Variants in EXD3 observed in about 807,000 individuals in gnomAD.
EXD3 encodes the protein exonuclease 3'-5' domain containing 3.
EXD3 carries 92 observed loss-of-function variants against 98.0 expected under a neutral mutation model. The observed-to-expected ratio is 0.94, with a 90% CI of 0.79 to 1.12. The LOEUF is 1.12. Among genes scored for constraint, EXD3 ranks in the 50% most tolerant of loss-of-function variants. EXD3 has a pLI of 0.00. For missense variants in EXD3, 1,222 were observed against 1,191.6 expected, an observed-to-expected ratio of 1.03 and a Z score of -0.38; for synonymous variants, 569 against 526.0, an observed-to-expected ratio of 1.08 and a Z score of -1.12.
Position 137,403,279 on chromosome 9 carries a change from G to A in EXD3, c.-47-7875C>T, listed in dbSNP as rs962309805. On this transcript the variant is annotated intron_variant, in intron 1 of 21. Coordinates refer to ENST00000340951, the MANE Select transcript of EXD3 (RefSeq NM_017820.5). This position sits in a 1 kb window ranked among gnomAD's most constrained non-coding sequence, Gnocchi z 6.1. ...ACTGTGAGTGACCTGAGGGGCCCCA[G>A]AAGATGCAGACCCGAACGCGTCTCC... Among the ~76,000 whole-genome samples, 3 of 151,932 alleles carry A rather than the reference G, an allele frequency of 2.0e-5. No individual in the cohort carries two copies. Among genetic ancestry groups the A allele is most frequent in the African/African-American group, 7.2e-5 (3 of 41,390 alleles).
chr9:137,355,621 G>A (rs1274766765), intron 8 of EXD3, among the ~76,000 whole-genome samples: 1 of 3,852 alleles, frequency 2.6e-4, no homozygotes, highest in African/African-American at 1.6e-3. Flanking sequence ...GAAGGAGGAA[G>A]GGAGGATGGA....
intron 17 of EXD3, among the ~76,000 whole-genome samples, chr9:137,328,581 G>A (rs371775873): frequency 0.038 from 3,903 of 103,252 alleles, 189 homozygotes; most frequent in African/African-American, 0.095. Context: ...TTACACAGGA[G>A]CTACACGGGA....
intron 7 of EXD3, among the ~76,000 whole-genome samples, chr9:137,363,116 ATTCTC>A (rs1441598635): frequency 1.3e-5 from 2 of 151,760 alleles, no homozygotes; most frequent in Middle Eastern, 3.2e-3. Context: ...CAGCCCTCTC[ATTCTC>A]TTAATTCTTT....
Position 137,371,532 on chromosome 9 carries a change from A to C in EXD3, c.462+1373T>G, listed in dbSNP as rs1835603721. 6.6e-6 allele frequency among the ~76,000 whole-genome samples: 1 copy of C among 152,076 alleles called. No homozygotes were observed. Among genetic ancestry groups the C allele is most frequent in the African/African-American group, 2.4e-5 (1 of 41,418 alleles). On this transcript the variant is annotated intron_variant, in intron 5 of 21. Coordinates refer to ENST00000340951, the MANE Select transcript of EXD3 (RefSeq NM_017820.5). The surrounding 1 kb of genome is among the most constrained non-coding windows in gnomAD (Gnocchi z 8.0). ...GCCATCGGGACGGCGTCTCAGCAGC[A>C]GGGTCCCACGTGGGCAGGCAGCGGG...
chr9:137,363,598 A>G (rs1835091108), intron 7 of EXD3, among the ~76,000 whole-genome samples: 1 of 152,040 alleles, frequency 6.6e-6, no homozygotes, highest in African/African-American at 2.4e-5. Context: ...TCGGCCTCCC[A>G]AAGTGGCTGG....
At chr9:137,381,699 T>C (rs1836280006) in intron 3 of EXD3, among the ~76,000 whole-genome samples, 1 of 152,112 alleles carries the variant, frequency 6.6e-6, no homozygotes, top group African/African-American at 2.4e-5. Context: ...CCCAAGGAGT[T>C]CTCCAAAATC....
chr9:137,382,110 C>CGCGGGGAGGAGGT, intron 3 of EXD3, among the ~76,000 whole-genome samples: 1 of 33,434 alleles, frequency 3.0e-5, no homozygotes, highest in East Asian at 6.5e-4. Flanking sequence ...GAGGTCAGGG[C>CGCGGGGAGGAGGT]GGCGGTGGAG....
intron 3 of EXD3, among the ~76,000 whole-genome samples, chr9:137,375,194 A>G (rs1405192334): frequency 6.6e-6 from 1 of 152,140 alleles, no homozygotes; most frequent in Non-Finnish European, 1.5e-5. Context: ...TTTTTAGTAG[A>G]GACGGGGTTT....
intron 17 of EXD3, among the ~76,000 whole-genome samples, chr9:137,335,109 CAAAT>C (rs1833287229): frequency 6.6e-6 from 1 of 150,662 alleles, no homozygotes; most frequent in African/African-American, 2.4e-5. Context: ...AAAATAAAAA[CAAAT>C]AGCCCACAGA....
At position 137,385,146 on chromosome 9, in the gene EXD3, C is replaced by T. The variant is rs1177089789; in HGVS notation, c.56-1769G>A. On this transcript the variant is annotated intron_variant, in intron 2 of 21. Coordinates refer to ENST00000340951, the MANE Select transcript of EXD3 (RefSeq NM_017820.5). This position sits in a 1 kb window ranked among gnomAD's most constrained non-coding sequence, Gnocchi z 4.4. ...GTGGGGCGCCCAGGCTCCACCATGG[C>T]GTCTCTGCAGCCACCTGGGCCTGGG... Among the ~76,000 whole-genome samples the T allele has an allele frequency of 1.3e-5, 2 of 152,342 alleles. No individual in the cohort carries two copies. Among genetic ancestry groups the T allele is most frequent in the African/African-American group, 2.4e-5 (1 of 41,590 alleles).
intron 2 of EXD3, chr9:137,392,855 G>C: frequency 2.2e-6 from 1 of 461,906 alleles, no homozygotes; most frequent in Non-Finnish European, 4.0e-6. Flanking sequence ...GTTCCAGGGG[G>C]CACCGAGGCT....
chr9:137,354,753 T>C lies in EXD3; in HGVS notation c.778A>G (p.Ile260Val), dbSNP rs1307344025. 6.2e-7 allele frequency: 1 copy of C among 1,610,468 alleles called. No individual in the cohort carries two copies. The change falls in exon 9 of 22, where the codon ATT (isoleucine) becomes GTT (valine). Residue 260 changes from isoleucine to valine, a missense_variant. Physicochemically the swap from Ile to Val is conservative, Grantham distance 29. Coordinates refer to ENST00000340951, the MANE Select transcript of EXD3 (RefSeq NM_017820.5). ...CGCAGGGCCGCCAGGCGCTGCTGAATGGCCGCGTTGGGACACAGCGCTGAA... is the reference window on the plus strand; with the variant it reads ...CGCAGGGCCGCCAGGCGCTGCTGAACGGCCGCGTTGGGACACAGCGCTGAA... Reference protein sequence around the residue: ...VAPALCPNAAIQQRLAALRHL... With the variant: ...VAPALCPNAAVQQRLAALRHL...
Position 137,407,060 on chromosome 9 carries a change from C to G in EXD3, c.-47-11656G>C, listed in dbSNP as rs1462206760. The stretch of plus-strand genomic sequence containing the variant: ...CCAGAACGCTCGCCAGCAAACCCGC[C>G]CGTTCACAGAGGCACCGGAGCGGGC... On this transcript the variant is annotated intron_variant, in intron 1 of 21. Transcript: ENST00000340951. The surrounding 1 kb of genome is among the most constrained non-coding windows in gnomAD (Gnocchi z 4.4). 6.6e-6 allele frequency among the ~76,000 whole-genome samples: 1 copy of G among 152,204 alleles called. No homozygotes were observed. Among genetic ancestry groups the G allele is most frequent in the Non-Finnish European group, 1.5e-5 (1 of 68,026 alleles).
chr9:137,348,077 C>G lies in EXD3; in HGVS notation c.1992G>C (p.Ala664=). 6.2e-7 allele frequency: 1 copy of G among 1,610,432 alleles called. No individual in the cohort carries two copies. The highest frequency in any genetic ancestry group is 1.1e-5 in the South Asian group (1 of 90,740). Residue 664 remains alanine, a synonymous_variant, in exon 17 of 22, where the codon GCG becomes GCC. Coordinates refer to ENST00000340951, the MANE Select transcript of EXD3 (RefSeq NM_017820.5). ...ACCCTCCCCGCAAACTCACCTCGGC[C>G]GCCCTGCGGTGGTCTTCACCATTGC... ...MLGNGEDHRR[A]AEVARQEGRI...
At chr9:137,354,802 G>GCACTGCA in intron 8 of EXD3, 29 bp from the exon 9 acceptor site, 2 of 1,596,230 alleles carry the variant, frequency 1.3e-6, no homozygotes, top group African/African-American at 2.7e-5. Flanking sequence ...TCAGCACTGA[G>GCACTGCA]GGCTCAGGGC....
At chr9:137,354,135 A>G in intron 10 of EXD3, 1 of 1,420,202 alleles carries the variant, frequency 7.0e-7, no homozygotes, top group Non-Finnish European at 9.2e-7. Context: ...GGCTCTACTG[A>G]TGCCCTCGGC....
At chr9:137,398,564 ACCGCGTCC>A (rs1564208376) in intron 1 of EXD3, among the ~76,000 whole-genome samples, 21 of 104,374 alleles carry the variant, frequency 2.0e-4, no homozygotes, top group African/African-American at 7.8e-4. Flanking sequence ...CACACAGGCA[ACCGCGTCC>A]CCAAGACACA....
In EXD3 at chr9:137,368,969, G is replaced by A. The variant is rs577596326; in HGVS notation, c.463-980C>T. On this transcript the variant is annotated intron_variant, in intron 5 of 21. Coordinates refer to ENST00000340951, the MANE Select transcript of EXD3 (RefSeq NM_017820.5). ...GGCCCGTGAGGAGGGGCACAGGGCC[G>A]GGGGACGGGGTGCAGTGCCCGGGGC... is the stretch of plus-strand genomic sequence containing the variant. Among the ~76,000 whole-genome samples, 687 of 148,268 alleles carry A rather than the reference G, an allele frequency of 4.6e-3. 6 individuals carry two copies. Among genetic ancestry groups the A allele is most frequent in the African/African-American group, 0.016 (639 of 40,040 alleles).
chr9:137,342,794 G>C (rs1411580380), intron 17 of EXD3, among the ~76,000 whole-genome samples: 1 of 152,176 alleles, frequency 6.6e-6, no homozygotes, highest in Non-Finnish European at 1.5e-5. Flanking sequence ...CAAATAGCTA[G>C]GGAACATATG....
Sources: allele counts gnomAD v4.1 joint callset (sites outside exome capture counted in the v4.1 genomes callset), GRCh38; gene constraint gnomAD v4.1.1; non-coding constraint Gnocchi (gnomAD v3.1); transcripts MANE v1.5; gene names NCBI Gene and HGNC (gene_info 2026-07-23, HGNC 2026-07-21).